SEC13: variants seen among roughly 807,000 people sequenced by gnomAD.
SEC13 encodes SEC13 homolog, nuclear pore and COPII component.
Under a neutral mutation model 49.2 loss-of-function variants are expected in SEC13, and 25 were observed. The observed-to-expected ratio is 0.51, with a 90% CI of 0.37 to 0.71. The LOEUF (loss-of-function observed/expected upper bound fraction) is 0.71. Among genes scored for constraint, SEC13 ranks in the 30% least tolerant of loss-of-function variants. SEC13 has a pLI of 0.00. For synonymous variants in SEC13, 148 were observed against 163.9 expected (o/e 0.90, Z 0.74); for missense variants, 383 against 417.6 (o/e 0.92, Z 0.72).
At chr3:10,316,447 G>A (rs1366179976) in intron 2 of SEC13, among the ~76,000 whole-genome samples, 3 of 152,118 alleles carry the variant, frequency 2.0e-5, no homozygotes, top group Non-Finnish European at 2.9e-5. Flanking sequence ...CACTGTATCA[G>A]GCCTTGGTTT....
At chr3:10,316,235 T>C (rs1409804814) in intron 2 of SEC13, among the ~76,000 whole-genome samples, 1 of 152,172 alleles carries the variant, frequency 6.6e-6, no homozygotes, top group Non-Finnish European at 1.5e-5. Context: ...TGGTCCCTTC[T>C]GCTTGCTGGC....
intron 3 of SEC13, 75 bp downstream of exon 3, chr3:10,315,246 T>G: frequency 1.8e-6 from 2 of 1,090,096 alleles, no homozygotes; most frequent in Non-Finnish European, 2.8e-6. Context: ...TCCCATGCTT[T>G]GCTCCCACGC....
At position 10,301,857 on chromosome 3, in the gene SEC13, G is replaced by GTTGT. The variant is rs201253307; in HGVS notation, c.856-487_856-484dup. 4.6e-5 allele frequency among the ~76,000 whole-genome samples: 7 copies of GTTGT among 152,192 alleles called. 1 individual carries two copies. In the East Asian group the frequency reaches 1.3e-3, roughly 29 times the overall value. ...GTAGAGGAAGGTAACAGTTCAATAT[G>GTTGT]TTGTTTCTACACTGAAGTAAACTGT... On this transcript the variant is annotated intron_variant, in intron 8 of 8. Transcript: ENST00000350697.
intron 5 of SEC13, among the ~76,000 whole-genome samples, chr3:10,307,948 T>C (rs1700991583): frequency 6.6e-6 from 1 of 152,204 alleles, no homozygotes; most frequent in South Asian, 2.1e-4. Flanking sequence ...TTTGTAGTCA[T>C]TTTAGTTGTG....
chr3:10,312,995 G>A (rs76299294), intron 3 of SEC13: 1 of 419,814 alleles, frequency 2.4e-6, no homozygotes, highest in South Asian at 3.4e-5. Flanking sequence ...GGCCAGGCAG[G>A]AGCCTCACTT....
intron 5 of SEC13, among the ~76,000 whole-genome samples, chr3:10,311,043 C>A (rs1327396872): frequency 9.5e-5 from 14 of 147,450 alleles, no homozygotes; most frequent in African/African-American, 1.7e-4. Context: ...AAAAAAAAAA[C>A]AACTCCCAGC....
chr3:10,303,338 C>CTCTG (rs1700662241), intron 8 of SEC13, among the ~76,000 whole-genome samples: 1 of 152,256 alleles, frequency 6.6e-6, no homozygotes, highest in African/African-American at 2.4e-5. Flanking sequence ...GTTAGAGATC[C>CTCTG]TCTGTCTTAT....
intron 6 of SEC13, 150 bp from the exon 7 acceptor site, chr3:10,305,306 C>T: frequency 8.1e-7 from 1 of 1,237,868 alleles, no homozygotes; most frequent in Non-Finnish European, 1.1e-6. Context: ...CCCTTCACCC[C>T]AGCTGTAAAA....
chr3:10,312,471 G>A (rs1022513979), intron 4 of SEC13, 108 bp downstream of exon 4: 1 of 1,357,592 alleles, frequency 7.4e-7, no homozygotes. Flanking sequence ...AAGCTCAAGA[G>A]ACAGACAAGA....
chr3:10,303,652 C>A, intron 8 of SEC13: 1 of 287,124 alleles, frequency 3.5e-6, no homozygotes, highest in African/African-American at 2.2e-5. Flanking sequence ...AAAAAATATC[C>A]CCAATCTTCT....
At chr3:10,308,258 G>A (rs1453268638) in intron 5 of SEC13, among the ~76,000 whole-genome samples, 2 of 152,040 alleles carry the variant, frequency 1.3e-5, no homozygotes, top group African/African-American at 2.4e-5. Flanking sequence ...GCCCCCAATC[G>A]TGGTGACCAT....
At chr3:10,319,607 A>G (rs2059728399) in intron 1 of SEC13, among the ~76,000 whole-genome samples, 1 of 151,980 alleles carries the variant, frequency 6.6e-6, no homozygotes, top group Admixed American at 6.6e-5. Context: ...CAGTTGTTAC[A>G]CTGAGTTCTG....
chr3:10,316,496 T>G (rs1701615651), intron 2 of SEC13, among the ~76,000 whole-genome samples: 1 of 152,144 alleles, frequency 6.6e-6, no homozygotes, highest in Non-Finnish European at 1.5e-5. Flanking sequence ...TCTGAAGCAC[T>G]TCTCATGCTT....
In SEC13 at chr3:10,301,290, C is replaced by T. The variant is rs1700490806; in HGVS notation, c.940G>A (p.Val314Met). The change falls in exon 9 of 9, where the codon GTG becomes ATG. Residue 314 changes from valine (V) to methionine (M), a missense_variant. Transcript: ENST00000350697. The part of the protein sequence containing the change: ...NKGQGSVSAS[V>M]TEGQQNEQ Reference sequence around the variant, plus strand: ...TGCTCGTTCTGCTGGCCCTCTGTCACTGATGCTGATACGGAGCCCTGGCCC... The same window carrying T: ...TGCTCGTTCTGCTGGCCCTCTGTCATTGATGCTGATACGGAGCCCTGGCCC... The T allele has an allele frequency of 1.9e-6, 3 of 1,614,178 alleles. No homozygotes were observed. The highest frequency in any genetic ancestry group is 2.5e-6 in the Non-Finnish European group (3 of 1,180,034).
intron 2 of SEC13, among the ~76,000 whole-genome samples, 155 bp from the exon 3 acceptor site, chr3:10,315,591 T>C (rs1173551252): frequency 1.3e-5 from 2 of 152,158 alleles, no homozygotes; most frequent in East Asian, 3.9e-4. Context: ...AGCTAGCATG[T>C]GGACATTCTC....
In SEC13 at chr3:10,321,094, C is replaced by CCCGGCGGCGCCTCGGAACAGCTCACTT; in HGVS notation, c.-43_-42insAAGTGAGCTGTTCCGAGGCGCCGCCGG. On this transcript the variant is annotated 5_prime_UTR_variant, in exon 1 of 9. Coordinates refer to ENST00000350697, the MANE Select transcript of SEC13 (RefSeq NM_183352.3). This position sits in a 1 kb window ranked among gnomAD's most constrained non-coding sequence, Gnocchi z 4.1. ...GCTCCAGGTCTCGGACGTGGCAGCT[C>CCCGGCGGCGCCTCGGAACAGCTCACTT]CCGGCGGCGCCTCGGAACAGCTCAC... 6.2e-7 allele frequency: 1 copy of CCCGGCGGCGCCTCGGAACAGCTCACTT among 1,612,206 alleles called. No homozygotes were observed. Among genetic ancestry groups the CCCGGCGGCGCCTCGGAACAGCTCACTT allele is most frequent in the East Asian group, 2.2e-5 (1 of 44,728 alleles).
chr3:10,316,410 T>A (rs1701608330), intron 2 of SEC13, among the ~76,000 whole-genome samples: 1 of 152,102 alleles, frequency 6.6e-6, no homozygotes, highest in Admixed American at 6.5e-5. Context: ...AAGGAACACA[T>A]CCTGATTTTT....
At position 10,311,991 on chromosome 3, in the gene SEC13, C is replaced by T. The variant is rs760181931; in HGVS notation, c.424G>A (p.Val142Ile). ...GTGTGAGCGTTGTTGATCTTCTTTA[C>T]TTCCCATTGGCCTTCCCCGGTGTAA... ...LTYTGEGQWE[V>I]KKINNAHTIG... Residue 142 changes from valine to isoleucine, a missense_variant, in exon 5 of 9, where the codon GTA (valine) becomes ATA (isoleucine). Transcript: ENST00000350697. 6 of 1,614,120 alleles carry T rather than the reference C, an allele frequency of 3.7e-6. No individual in the cohort carries two copies. In the South Asian group the frequency reaches 5.5e-5, roughly 15 times the overall value.
chr3:10,320,032 T>A lies in SEC13; in HGVS notation c.3+1018A>T, dbSNP rs1160271597. On this transcript the variant is annotated intron_variant, in intron 1 of 8. Transcript: ENST00000350697. ...GAGAGAGAGAGAGAGAGAGAGAACT[T>A]CTTAGAGTACTTCTTCCCAGGGACC... Among the ~76,000 whole-genome samples the A allele has an allele frequency of 2.0e-5, 3 of 148,376 alleles. No individual in the cohort carries two copies. The East Asian group carries it at 6.0e-4, about 30-fold the overall frequency.
Sources: allele counts gnomAD v4.1 joint callset (sites outside exome capture counted in the v4.1 genomes callset), GRCh38; gene constraint gnomAD v4.1.1; non-coding constraint Gnocchi (gnomAD v3.1); transcripts MANE v1.5; gene names NCBI Gene and HGNC (gene_info 2026-07-23, HGNC 2026-07-21).